QTMAN: variants seen among roughly 807,000 people sequenced by gnomAD.
The protein encoded by QTMAN is tRNA-queuosine alpha-mannosyltransferase.
At chr2:144,013,537 G>C in the QTMAN span, among the ~76,000 whole-genome samples, 1 of 152,108 alleles carries the variant, frequency 6.6e-6, no homozygotes, top group Non-Finnish European at 1.5e-5. Flanking sequence ...CATATCAGTA[G>C]ACAAAAGGAC....
At chr2:144,179,020 T>C in the QTMAN span, 2 of 461,274 alleles carry the variant, frequency 4.3e-6, no homozygotes, top group Non-Finnish European at 8.9e-6. Context: ...TTTGATTATT[T>C]AAATTATTAC....
the QTMAN span, among the ~76,000 whole-genome samples, chr2:144,081,557 A>G: frequency 2.6e-5 from 4 of 152,250 alleles, no homozygotes; most frequent in East Asian, 1.9e-4. Flanking sequence ...GGGCTTGTAC[A>G]CTATGGAAAT....
chr2:144,110,547 T>A, the QTMAN span, among the ~76,000 whole-genome samples: 1 of 151,550 alleles, frequency 6.6e-6, no homozygotes, highest in East Asian at 1.9e-4. Flanking sequence ...TTATAAAAAA[T>A]AAAAAATAAA....
chr2:144,051,548 T>C, the QTMAN span, among the ~76,000 whole-genome samples: 1 of 152,136 alleles, frequency 6.6e-6, no homozygotes, highest in African/African-American at 2.4e-5. Flanking sequence ...ACTTTGCATT[T>C]TCCTGATCGC....
chr2:144,087,626 G>A, the QTMAN span, among the ~76,000 whole-genome samples: 3 of 151,860 alleles, frequency 2.0e-5, no homozygotes, highest in Non-Finnish European at 4.4e-5. Context: ...CTTCAAGAAG[G>A]ATTTATACAA....
the QTMAN span, among the ~76,000 whole-genome samples, chr2:143,995,433 T>C: frequency 8.5e-5 from 13 of 152,322 alleles, no homozygotes; most frequent in Non-Finnish European, 1.6e-4. Flanking sequence ...CTACTAAGAA[T>C]AGCTAATGTT....
At chr2:143,947,127 G>A in the QTMAN span, 16 of 1,612,246 alleles carry the variant, frequency 9.9e-6, no homozygotes, top group Admixed American at 8.3e-5. Flanking sequence ...AAAACGGAGC[G>A]ATTTCACCCT....
At chr2:144,068,113 T>A in the QTMAN span, among the ~76,000 whole-genome samples, 1 of 152,208 alleles carries the variant, frequency 6.6e-6, no homozygotes, top group Non-Finnish European at 1.5e-5. Flanking sequence ...TATGAGTTGA[T>A]TCCACTAAAA....
the QTMAN span, among the ~76,000 whole-genome samples, chr2:144,141,342 A>C: frequency 6.6e-6 from 1 of 151,810 alleles, no homozygotes; most frequent in Non-Finnish European, 1.5e-5. Flanking sequence ...GTCCTTAGTA[A>C]CTAAGAAAGA....
the QTMAN span, among the ~76,000 whole-genome samples, chr2:144,315,674 G>C: frequency 6.6e-6 from 1 of 152,144 alleles, no homozygotes; most frequent in African/African-American, 2.4e-5. Flanking sequence ...TTGTACTCTT[G>C]AATAGCCCTC....
At chr2:144,025,072 T>C in the QTMAN span, among the ~76,000 whole-genome samples, 8 of 152,352 alleles carry the variant, frequency 5.3e-5, no homozygotes, top group East Asian at 1.5e-3. Context: ...TGAGGATTAA[T>C]ACCTGCAAAC....
chr2:144,258,159 T>C, the QTMAN span, among the ~76,000 whole-genome samples: 3 of 144,236 alleles, frequency 2.1e-5, no homozygotes, highest in Non-Finnish European at 4.5e-5. Context: ...AATACAAAGA[T>C]ATATAAGAGA....
At chr2:143,991,752 G>A in the QTMAN span, among the ~76,000 whole-genome samples, 5,940 of 143,762 alleles carry the variant, frequency 0.041, 182 homozygotes, top group African/African-American at 0.086. Flanking sequence ...TCAGCCCCCC[G>A]CCCCGCCAGC....
chr2:144,287,901 C>A, the QTMAN span, among the ~76,000 whole-genome samples: 1 of 152,088 alleles, frequency 6.6e-6, no homozygotes, highest in South Asian at 2.1e-4. Context: ...TGTCGCCAGG[C>A]TGGAGTGCAG....
chr2:143,969,063 AACTT>A, the QTMAN span, among the ~76,000 whole-genome samples: 6 of 150,002 alleles, frequency 4.0e-5, no homozygotes, highest in African/African-American at 1.0e-4. Context: ...TGCACATACC[AACTT>A]ACTTACTAAG....
the QTMAN span, chr2:143,957,390 A>G: frequency 8.4e-7 from 1 of 1,189,800 alleles, no homozygotes; most frequent in Non-Finnish European, 1.1e-6. Context: ...GTGTAAAATG[A>G]TATGAGATGT....
the QTMAN span, among the ~76,000 whole-genome samples, chr2:144,172,621 C>CAAA: frequency 4.9e-4 from 25 of 51,282 alleles, no homozygotes; most frequent in South Asian, 7.4e-4. Flanking sequence ...AAGACTCTGT[C>CAAA]AAAAAAAAAA....
chr2:144,320,312 C>G, the QTMAN span, among the ~76,000 whole-genome samples: 1 of 152,108 alleles, frequency 6.6e-6, no homozygotes, highest in South Asian at 2.1e-4. Flanking sequence ...TTGCAAACCC[C>G]TGGCCTAAAT....
the QTMAN span, among the ~76,000 whole-genome samples, chr2:144,115,104 A>T: frequency 7.5e-4 from 114 of 152,036 alleles, no homozygotes; most frequent in African/African-American, 2.6e-3. Flanking sequence ...GGTGGCACAC[A>T]ACTGTACTCC....
Sources: gnomAD v4.1 joint callset for allele counts (sites outside exome capture counted in the v4.1 genomes callset) on GRCh38, gnomAD v4.1.1 for gene constraint, MANE v1.5 for transcripts, NCBI Gene and HGNC (gene_info 2026-07-23, HGNC 2026-07-21) for gene names.